Variants in NRCAM observed in about 807,000 individuals in gnomAD.
NRCAM encodes NgCAM-related cell adhesion molecule.
In NRCAM, 83 loss-of-function variants were observed where a neutral mutation model predicts 156.5. The ratio of observed to expected loss-of-function variants is 0.53; its 90% CI spans 0.44 to 0.64. The LOEUF is 0.64. Ranked by LOEUF, NRCAM falls within the 30% of genes least tolerant of loss-of-function variation. NRCAM has a pLI of 0.00. For synonymous variants in NRCAM, 538 were observed against 563.9 expected, an observed-to-expected ratio of 0.95 and a Z score of 0.65; for missense variants, 1,417 against 1,597.3, an observed-to-expected ratio of 0.89 and a Z score of 1.92.
intron 3 of NRCAM, among the ~76,000 whole-genome samples, chr7:108,268,549 G>C (rs935199103): frequency 6.9e-6 from 1 of 144,970 alleles, no homozygotes; most frequent in Non-Finnish European, 1.5e-5. Context: ...AAAAGATGTG[G>C]GTGATAGTGT....
At chr7:108,304,585 T>C (rs548488008) in intron 3 of NRCAM, among the ~76,000 whole-genome samples, 3 of 152,180 alleles carry the variant, frequency 2.0e-5, no homozygotes, top group African/African-American at 7.2e-5. Context: ...AGGCATTACA[T>C]GTAGATTCCA....
rs141340084 is a variant in NRCAM, at chr7:108,333,951, T to A, written c.-173-21220A>T. 8.1e-4 allele frequency among the ~76,000 whole-genome samples: 123 copies of A among 152,306 alleles called. 2 individuals are homozygous for A. The East Asian group carries it at 0.021, about 26-fold the overall frequency. ...TCTTGTTTGAATGTGTGTGTCTCTGTGTGTGTGTCCGTAATTTCAACAAAG... is the reference window on the plus strand; with the variant it reads ...TCTTGTTTGAATGTGTGTGTCTCTGAGTGTGTGTCCGTAATTTCAACAAAG... On this transcript the variant is annotated intron_variant, in intron 2 of 32. Coordinates refer to ENST00000379028, the MANE Select transcript of NRCAM (RefSeq NM_001037132.4).
intron 2 of NRCAM, among the ~76,000 whole-genome samples, chr7:108,334,281 T>G (rs2099156617): frequency 1.3e-5 from 2 of 152,214 alleles, no homozygotes; most frequent in South Asian, 4.1e-4. Flanking sequence ...ACCTTAAATA[T>G]TTCAAACAGT....
chr7:108,231,688 G>T (rs1009683292), intron 7 of NRCAM, among the ~76,000 whole-genome samples: 3 of 152,154 alleles, frequency 2.0e-5, no homozygotes, highest in Non-Finnish European at 4.4e-5. Context: ...GAATATTTCA[G>T]CAGTAGTTAT....
Position 108,180,269 on chromosome 7 carries a change from C to T in NRCAM, c.2805G>A (p.Gly935=), listed in dbSNP as rs1586720174. 1 of 1,614,202 alleles carries T rather than the reference C, an allele frequency of 6.2e-7. No individual in the cohort carries two copies. Among genetic ancestry groups the T allele is most frequent in the Non-Finnish European group, 8.5e-7 (1 of 1,180,030 alleles). Residue 935 remains glycine (G), a synonymous_variant, in exon 25 of 33, where the codon GGG becomes GGA. Coordinates refer to ENST00000379028, the MANE Select transcript of NRCAM (RefSeq NM_001037132.4). The part of the protein sequence containing the change: ...TLNVRVVNGK[G]EGPASPDRVF... ...CTCTGTCAGGGCTGGCTGGGCCCTC[C>T]CCTTTCCCATTGACCACTCGGACAT...
chr7:108,226,660 C>T (rs1183541185), intron 8 of NRCAM, among the ~76,000 whole-genome samples: 2 of 151,910 alleles, frequency 1.3e-5, no homozygotes, highest in Non-Finnish European at 2.9e-5. Flanking sequence ...CAAAAGTGAA[C>T]AAAATATGTT....
In NRCAM at chr7:108,223,769, T is replaced by C; in HGVS notation, c.846A>G (p.Glu282=). The C allele has an allele frequency of 6.2e-7, 1 of 1,610,958 alleles. No homozygotes were observed. The highest frequency in any genetic ancestry group is 2.2e-5 in the East Asian group (1 of 44,780). The change falls in exon 11 of 33, where the codon GAA becomes GAG. Residue 282 remains glutamate (E), a synonymous_variant. Coordinates refer to ENST00000379028, the MANE Select transcript of NRCAM (RefSeq NM_001037132.4). ...CCAGTGAAAGCACATTTCCTCTTAA[T>C]TCCTCTTTGTTACTTGCATTGCCTT... ...TPEGNASNKE[E]LRGNVLSLEC...
At position 108,336,032 on chromosome 7, in the gene NRCAM, C is replaced by A. The variant is rs144116987; in HGVS notation, c.-173-23301G>T. Reference sequence around the variant, plus strand: ...TTACACATAAATGGACGTCCAGAGCCCCATTTTATTCTGGTCTATATAAAT... The same window carrying A: ...TTACACATAAATGGACGTCCAGAGCACCATTTTATTCTGGTCTATATAAAT... On this transcript the variant is annotated intron_variant, in intron 2 of 32. Transcript: ENST00000379028. Among the ~76,000 whole-genome samples, 315 of 152,242 alleles carry A rather than the reference C, an allele frequency of 2.1e-3. 1 individual carries two copies. Among genetic ancestry groups the A allele is most frequent in the African/African-American group, 7.2e-3 (301 of 41,542 alleles).
intron 11 of NRCAM, among the ~76,000 whole-genome samples, chr7:108,212,136 A>G (rs1279035260): frequency 6.6e-6 from 1 of 152,228 alleles, no homozygotes; most frequent in Admixed American, 6.5e-5. Flanking sequence ...TAGACCCAGA[A>G]GAGAGATAAC....
intron 28 of NRCAM, among the ~76,000 whole-genome samples, chr7:108,174,869 C>T (rs2059893550): frequency 6.6e-6 from 1 of 152,214 alleles, no homozygotes; most frequent in South Asian, 2.1e-4. Context: ...CGGTTTTGTG[C>T]AATGGCAGCC....
chr7:108,181,751 G>A, intron 24 of NRCAM, 71 bp downstream of exon 24: 1 of 964,366 alleles, frequency 1.0e-6, no homozygotes. Context: ...CACCTCCTGT[G>A]GTATGCATGA....
intron 1 of NRCAM, among the ~76,000 whole-genome samples, chr7:108,425,193 C>T (rs1815513481): frequency 6.6e-6 from 1 of 151,900 alleles, no homozygotes; most frequent in Non-Finnish European, 1.5e-5. Context: ...AACCACTTTG[C>T]TAGAATATTA....
intron 22 of NRCAM, 139 bp from the exon 23 acceptor site, chr7:108,183,059 C>T: frequency 1.4e-6 from 1 of 692,806 alleles, no homozygotes; most frequent in Non-Finnish European, 2.4e-6. Context: ...CCATTTTCTC[C>T]AGGGACCTTC....
At chr7:108,294,195 T>G (rs2098403114) in intron 3 of NRCAM, among the ~76,000 whole-genome samples, 2 of 41,600 alleles carry the variant, frequency 4.8e-5, no homozygotes, top group Admixed American at 3.2e-4. Context: ...CTTTACTGGT[T>G]TTTTTTTTTT....
chr7:108,328,014 G>C lies in NRCAM; in HGVS notation c.-173-15283C>G, dbSNP rs530860505. Among the ~76,000 whole-genome samples the C allele has an allele frequency of 2.6e-5, 4 of 152,264 alleles. No individual in the cohort carries two copies. The South Asian group carries it at 8.3e-4, about 32-fold the overall frequency. On this transcript the variant is annotated intron_variant, in intron 2 of 32. Coordinates refer to ENST00000379028, the MANE Select transcript of NRCAM (RefSeq NM_001037132.4). Reference sequence around the variant, plus strand: ...TATTAAAAACAAATATCCACAGAAAGAATGACAAAAGCATTAAAATTACAT... The same window carrying C: ...TATTAAAAACAAATATCCACAGAAACAATGACAAAAGCATTAAAATTACAT...
chr7:108,251,934 C>T (rs553295874), intron 3 of NRCAM, among the ~76,000 whole-genome samples: 2 of 152,004 alleles, frequency 1.3e-5, no homozygotes, highest in Non-Finnish European at 1.5e-5. Flanking sequence ...CAGTGCAAGA[C>T]TGTTTAAAAA....
intron 1 of NRCAM, among the ~76,000 whole-genome samples, chr7:108,428,130 G>T (rs1019597076): frequency 5.3e-5 from 8 of 152,178 alleles, no homozygotes; most frequent in African/African-American, 1.7e-4. Flanking sequence ...AAATAGAAAT[G>T]ATATAAAAAT....
chr7:108,428,646 C>G (rs1597656423), intron 1 of NRCAM, among the ~76,000 whole-genome samples: 2 of 152,090 alleles, frequency 1.3e-5, no homozygotes, highest in Admixed American at 6.5e-5. Flanking sequence ...CTGTAATACA[C>G]AAAAAATAAA....
At chr7:108,303,451 A>G (rs1295475113) in intron 3 of NRCAM, among the ~76,000 whole-genome samples, 1 of 152,062 alleles carries the variant, frequency 6.6e-6, no homozygotes, top group Non-Finnish European at 1.5e-5. Flanking sequence ...CTAGCCTCCT[A>G]CTGGTTTCCA....
Sources: gnomAD v4.1 joint callset for allele counts (sites outside exome capture counted in the v4.1 genomes callset) on GRCh38, gnomAD v4.1.1 for gene constraint, MANE v1.5 for transcripts, NCBI Gene and HGNC (gene_info 2026-07-23, HGNC 2026-07-21) for gene names.